EDA: variants seen among roughly 807,000 people sequenced by gnomAD.
The protein encoded by EDA is ectodysplasin A, also known as ectodysplasin-A.
EDA carries 2 observed loss-of-function variants against 23.6 expected under a neutral mutation model. The observed-to-expected ratio is 0.08, with a 90% CI of 0.03 to 0.27. The LOEUF is 0.27. Ranked by LOEUF, EDA falls within the 10% of genes least tolerant of loss-of-function variation. The probability of loss-of-function intolerance (pLI) is 1.00; values close to 1 mark genes in which losing one functional copy is unlikely to be tolerated. For synonymous variants in EDA, 131 were observed against 132.0 expected (o/e 0.99, Z 0.05); for missense variants, 229 against 324.2 (o/e 0.71, Z 2.26).
chrX:69,910,870 C>CTTA (rs2018256402), intron 1 of EDA, among the ~76,000 whole-genome samples: 2 of 112,072 alleles, frequency 1.8e-5, no homozygotes, highest in Admixed American at 1.9e-4. Context: ...TTAACAATAG[C>CTTA]TGCCTTAAAA....
chrX:69,753,291 G>A (rs766651281), intron 1 of EDA, among the ~76,000 whole-genome samples: 2 of 111,687 alleles, frequency 1.8e-5, no homozygotes, highest in East Asian at 5.7e-4. Flanking sequence ...TGTTCGCATT[G>A]GTTTCAAAGA....
At chrX:69,686,241 C>T (rs1053892516) in intron 1 of EDA, among the ~76,000 whole-genome samples, 1 of 112,224 alleles carries the variant, frequency 8.9e-6, no homozygotes, top group Admixed American at 9.4e-5. Flanking sequence ...AGGTAATCCG[C>T]CCACCTTGGC....
At chrX:69,672,521 T>A (rs992668702) in intron 1 of EDA, 2 of 111,169 alleles carry the variant, frequency 1.8e-5, no homozygotes, top group Non-Finnish European at 3.8e-5. Flanking sequence ...TCTCGTCTGA[T>A]CTTGGAAGCT....
intron 1 of EDA, among the ~76,000 whole-genome samples, chrX:69,643,359 C>T (rs926078811): frequency 7.2e-5 from 8 of 110,484 alleles, no homozygotes; most frequent in African/African-American, 2.3e-4. Context: ...CGGTGGTTTG[C>T]TGCACAGATC....
At chrX:69,733,091 G>A (rs1459538011) in intron 1 of EDA, among the ~76,000 whole-genome samples, 2 of 108,870 alleles carry the variant, frequency 1.8e-5, no homozygotes, top group Non-Finnish European at 3.8e-5. Context: ...CTGTGCAGAA[G>A]CTCTTTAGTT....
intron 1 of EDA, among the ~76,000 whole-genome samples, chrX:69,681,296 T>A (rs1327610430): frequency 1.8e-5 from 2 of 109,197 alleles, no homozygotes; most frequent in African/African-American, 6.7e-5. Context: ...GACAATTATG[T>A]GTCTTGGAGT....
intron 1 of EDA, among the ~76,000 whole-genome samples, chrX:69,793,570 G>GTTTTTTTTTTTTTTTTTTT (rs67241807): frequency 1.4e-4 from 8 of 58,775 alleles, no homozygotes; most frequent in African/African-American, 1.5e-4. Flanking sequence ...GTTTGTTTTT[G>GTTTTTTTTTTTTTTTTTTT]TTTTTTTTTT....
At chrX:69,858,878 G>A (rs943825991) in intron 1 of EDA, among the ~76,000 whole-genome samples, 2 of 110,971 alleles carry the variant, frequency 1.8e-5, no homozygotes, top group African/African-American at 6.5e-5. Flanking sequence ...TTTTTGGTTG[G>A]CAGGCTATTT....
intron 1 of EDA, among the ~76,000 whole-genome samples, chrX:69,664,432 C>T (rs976018534): frequency 9.0e-5 from 10 of 111,685 alleles, no homozygotes; most frequent in African/African-American, 3.3e-4. Context: ...CTTTGCCTTC[C>T]ACCATGATTG....
chrX:69,833,812 T>C (rs959472788), intron 1 of EDA, among the ~76,000 whole-genome samples: 2 of 111,198 alleles, frequency 1.8e-5, no homozygotes, highest in African/African-American at 6.6e-5. Flanking sequence ...TCTTTCTTTA[T>C]ATATATATAC....
intron 2 of EDA, among the ~76,000 whole-genome samples, chrX:69,969,434 C>G (rs780762169): frequency 8.9e-6 from 1 of 112,029 alleles, no homozygotes; most frequent in South Asian, 3.7e-4. Context: ...TATTTCATCT[C>G]TTTAAAAAAT....
intron 2 of EDA, chrX:70,022,991 T>C (rs1569403674): frequency 3.5e-6 from 1 of 287,255 alleles, no homozygotes; most frequent in Non-Finnish European, 6.4e-6. Flanking sequence ...AGTAGAGAGA[T>C]TTTTCTCCCT....
At chrX:69,784,899 C>T (rs766782593) in intron 1 of EDA, among the ~76,000 whole-genome samples, 3 of 110,999 alleles carry the variant, frequency 2.7e-5, no homozygotes, top group Admixed American at 9.6e-5. Flanking sequence ...GCCATTTTCA[C>T]GATATTGATT....
chrX:69,884,846 A>G (rs917251110), intron 1 of EDA, among the ~76,000 whole-genome samples: 3 of 112,005 alleles, frequency 2.7e-5, no homozygotes, highest in African/African-American at 9.7e-5. Context: ...TGAGTGGGAT[A>G]TCTGGGTTAT....
chrX:69,729,336 C>G (rs769755519), intron 1 of EDA, among the ~76,000 whole-genome samples: 1 of 111,079 alleles, frequency 9.0e-6, no homozygotes, highest in South Asian at 3.8e-4. Flanking sequence ...TCTCCTCTTT[C>G]CCACCAAAGG....
intron 1 of EDA, among the ~76,000 whole-genome samples, chrX:69,927,544 T>C (rs1272807298): frequency 3.6e-5 from 4 of 111,567 alleles, no homozygotes; most frequent in African/African-American, 6.5e-5. Flanking sequence ...GGCTTCCCTT[T>C]GTAGGTGACC....
intron 1 of EDA, among the ~76,000 whole-genome samples, chrX:69,874,448 TTA>T (rs1216638965): frequency 8.9e-6 from 1 of 112,327 alleles, no homozygotes; most frequent in Non-Finnish European, 1.9e-5. Flanking sequence ...CATCATCCCT[TTA>T]TGTTTAAAAC....
chrX:69,884,815 A>G (rs1293352806), intron 1 of EDA, among the ~76,000 whole-genome samples: 1 of 111,828 alleles, frequency 8.9e-6, no homozygotes, highest in African/African-American at 3.3e-5. Flanking sequence ...CCTGTCTTCA[A>G]TTCTTTCATG....
chrX:69,766,976 G>C (rs2014490083), intron 1 of EDA, among the ~76,000 whole-genome samples: 1 of 111,233 alleles, frequency 9.0e-6, no homozygotes, highest in South Asian at 3.8e-4. Context: ...CTTTGAGTTG[G>C]CCTTTGCTGA....
Sources: gnomAD v4.1 joint callset for allele counts (sites outside exome capture counted in the v4.1 genomes callset) on GRCh38, gnomAD v4.1.1 for gene constraint, MANE v1.5 for transcripts, NCBI Gene and HGNC (gene_info 2026-07-23, HGNC 2026-07-21) for gene names.